The following ERC2 variants were observed in gnomAD, a reference collection of about 807,000 sequenced individuals.
The protein encoded by ERC2 is ERC protein 2.
Under a neutral mutation model 114.8 loss-of-function variants are expected in ERC2, and 42 were observed. That is an observed-to-expected ratio of 0.37 (90% CI 0.29 to 0.47). The LOEUF is 0.47. ERC2 is among the 20% of genes least tolerant of loss of function. ERC2 has a pLI of 0.99. For missense variants in ERC2, 939 were observed against 1,150.7 expected, an observed-to-expected ratio of 0.82 and a Z score of 2.66; for synonymous variants, 454 against 425.5, an observed-to-expected ratio of 1.07 and a Z score of -0.82.
intron 17 of ERC2, among the ~76,000 whole-genome samples, chr3:55,565,274 C>G (rs186917096): frequency 1.9e-4 from 29 of 152,262 alleles, no homozygotes; most frequent in Non-Finnish European, 4.1e-4. Flanking sequence ...TATAAAATAT[C>G]CAACATAAAT....
intron 15 of ERC2, among the ~76,000 whole-genome samples, chr3:55,717,511 G>A (rs77526121): frequency 0.033 from 5,043 of 152,178 alleles, 258 homozygotes; most frequent in African/African-American, 0.11. Flanking sequence ...TTTCATGCCC[G>A]TAAAGACCTT....
At chr3:55,956,091 T>C (rs890414859) in intron 12 of ERC2, among the ~76,000 whole-genome samples, 2 of 152,264 alleles carry the variant, frequency 1.3e-5, no homozygotes, top group African/African-American at 4.8e-5. Flanking sequence ...AATGTAATCA[T>C]GTCTTGTGCA....
At chr3:55,837,187 G>A (rs2060929021) in intron 14 of ERC2, among the ~76,000 whole-genome samples, 1 of 152,214 alleles carries the variant, frequency 6.6e-6, no homozygotes, top group African/African-American at 2.4e-5. Context: ...CATTGTGGAA[G>A]TCAGTGTGGT....
intron 6 of ERC2, among the ~76,000 whole-genome samples, chr3:56,136,189 A>G (rs958084495): frequency 2.6e-5 from 4 of 152,196 alleles, no homozygotes; most frequent in African/African-American, 9.6e-5. Context: ...CCAAATGCAA[A>G]TTCCCTGGTA....
At chr3:55,707,046 A>G (rs1307427221) in intron 15 of ERC2, among the ~76,000 whole-genome samples, 2 of 152,220 alleles carry the variant, frequency 1.3e-5, no homozygotes, top group South Asian at 2.1e-4. Flanking sequence ...AGATAGACAG[A>G]CAGATGCTGA....
At chr3:56,105,951 T>C (rs1159240776) in intron 6 of ERC2, among the ~76,000 whole-genome samples, 2 of 151,912 alleles carry the variant, frequency 1.3e-5, no homozygotes, top group Non-Finnish European at 2.9e-5. Flanking sequence ...GTCAGAAAAA[T>C]GGGTAGAGGA....
intron 17 of ERC2, among the ~76,000 whole-genome samples, chr3:55,655,405 G>C (rs766321707): frequency 6.6e-6 from 1 of 152,194 alleles, no homozygotes; most frequent in Non-Finnish European, 1.5e-5. Flanking sequence ...GGAGCCCCAA[G>C]ATTGTTTCCT....
chr3:55,999,247 G>C (rs2071842457), intron 10 of ERC2, among the ~76,000 whole-genome samples: 1 of 152,108 alleles, frequency 6.6e-6, no homozygotes, highest in Non-Finnish European at 1.5e-5. Flanking sequence ...TCCAGGAGTA[G>C]AATGATAGTT....
intron 3 of ERC2, among the ~76,000 whole-genome samples, chr3:56,211,386 T>C (rs4974182): frequency 0.23 from 35,645 of 152,000 alleles, 4,947 homozygotes; most frequent in Non-Finnish European, 0.3. Flanking sequence ...CTTAGGAATA[T>C]ACTTAAGCAA....
intron 3 of ERC2, among the ~76,000 whole-genome samples, chr3:56,293,893 A>G (rs1221470544): frequency 1.3e-5 from 2 of 152,218 alleles, no homozygotes; most frequent in African/African-American, 4.8e-5. Flanking sequence ...AAGTGCTATC[A>G]ATGAGCAGAA....
At chr3:56,089,101 G>A (rs749104709) in intron 6 of ERC2, among the ~76,000 whole-genome samples, 1 of 152,162 alleles carries the variant, frequency 6.6e-6, no homozygotes, top group Admixed American at 6.5e-5. Context: ...GGAGGGTTGT[G>A]TGGGTGGGTG....
chr3:55,674,178 A>G (rs1384448857), intron 17 of ERC2, among the ~76,000 whole-genome samples: 1 of 152,224 alleles, frequency 6.6e-6, no homozygotes, highest in Admixed American at 6.5e-5. Flanking sequence ...TGTAATGCCA[A>G]GTAAATGATA....
At chr3:56,412,157 G>A (rs191945615) in intron 2 of ERC2, among the ~76,000 whole-genome samples, 2 of 152,340 alleles carry the variant, frequency 1.3e-5, no homozygotes, top group East Asian at 1.9e-4. Context: ...AGAAGGTGAT[G>A]TGAAGACAGA....
chr3:56,249,077 A>T (rs1179368669), intron 3 of ERC2, among the ~76,000 whole-genome samples: 1 of 152,246 alleles, frequency 6.6e-6, no homozygotes, highest in Non-Finnish European at 1.5e-5. Flanking sequence ...ACATGAGGCC[A>T]TCAGGCCAAG....
chr3:55,892,389 A>ACAC (rs1301622399), intron 13 of ERC2, among the ~76,000 whole-genome samples: 1 of 152,186 alleles, frequency 6.6e-6, no homozygotes, highest in African/African-American at 2.4e-5. Flanking sequence ...AGGCGTGGTG[A>ACAC]CACGCACCTA....
chr3:55,823,423 G>A lies in ERC2; in HGVS notation c.2564+64966C>T, dbSNP rs116287198. On this transcript the variant is annotated intron_variant, in intron 14 of 17. Coordinates refer to ENST00000288221, the MANE Select transcript of ERC2 (RefSeq NM_015576.3). ...GCAAATGGCCTTCCTACCATACCCT[G>A]CTGTCCTGGTAAACATCTTAGGCAT... 4.2e-3 allele frequency among the ~76,000 whole-genome samples: 636 copies of A among 152,214 alleles called. 9 individuals carry two copies. Among genetic ancestry groups the A allele is most frequent in the African/African-American group, 0.015 (602 of 41,516 alleles).
At chr3:56,367,907 G>A (rs1374702112) in intron 2 of ERC2, among the ~76,000 whole-genome samples, 1 of 148,468 alleles carries the variant, frequency 6.7e-6, no homozygotes, top group Admixed American at 6.7e-5. Context: ...GTTGAGGTAG[G>A]AGTATTGCTT....
intron 14 of ERC2, among the ~76,000 whole-genome samples, chr3:55,823,786 G>T (rs2060220566): frequency 6.6e-6 from 1 of 152,164 alleles, no homozygotes; most frequent in South Asian, 2.1e-4. Flanking sequence ...TTAATGAAGA[G>T]TGAGTGAAAA....
intron 3 of ERC2, among the ~76,000 whole-genome samples, chr3:56,227,165 G>C (rs1437838508): frequency 6.6e-6 from 1 of 151,908 alleles, no homozygotes; most frequent in African/African-American, 2.4e-5. Flanking sequence ...TTGTCCCATA[G>C]AATTCACCTC....
Sources: gnomAD v4.1 joint callset for allele counts (sites outside exome capture counted in the v4.1 genomes callset) on GRCh38, gnomAD v4.1.1 for gene constraint, MANE v1.5 for transcripts, NCBI Gene and HGNC (gene_info 2026-07-23, HGNC 2026-07-21) for gene names.